Variants in XPO4 observed in about 807,000 individuals in gnomAD.
XPO4 encodes the protein exportin-4.
In XPO4, 39 loss-of-function variants were observed where a neutral mutation model predicts 143.0. The observed-to-expected ratio is 0.27, with a 90% CI of 0.21 to 0.36. The LOEUF is 0.36. Among genes scored for constraint, XPO4 ranks in the 10% least tolerant of loss-of-function variants. The pLI is 1.00. For synonymous variants in XPO4, 439 were observed against 474.0 expected (o/e 0.93, Z 0.96); for missense variants, 907 against 1,348.0 (o/e 0.67, Z 5.12).
At chr13:20,861,779 T>C (rs6650245) in intron 3 of XPO4, among the ~76,000 whole-genome samples, 210 of 15,732 alleles carry the variant, frequency 0.013, 1 homozygote, top group African/African-American at 0.041. Flanking sequence ...ATTTCTCTCT[T>C]TTTTTTTTTT....
intron 7 of XPO4, 45 bp downstream of exon 7, chr13:20,827,022 T>C (rs2059793292): frequency 9.3e-6 from 13 of 1,394,428 alleles, no homozygotes; most frequent in Non-Finnish European, 1.3e-5. Flanking sequence ...AGGCATTTCC[T>C]CTTTTCTATG....
At chr13:20,828,173 G>A (rs1363315914) in intron 6 of XPO4, among the ~76,000 whole-genome samples, 1 of 152,080 alleles carries the variant, frequency 6.6e-6, no homozygotes. Context: ...CTCTCCCGCA[G>A]AGGTTGCAGT....
chr13:20,857,837 A>G (rs1399861818), intron 3 of XPO4: 9 of 985,216 alleles, frequency 9.1e-6, no homozygotes, highest in Non-Finnish European at 9.6e-6. Context: ...CTTGACCACT[A>G]TGCTACACTT....
At chr13:20,833,559 T>C (rs1436613492) in intron 6 of XPO4, among the ~76,000 whole-genome samples, 1 of 152,230 alleles carries the variant, frequency 6.6e-6, no homozygotes, top group East Asian at 1.9e-4. Flanking sequence ...TTAATTGTTG[T>C]ATTGTTATTT....
Position 20,790,682 on chromosome 13 carries a change from T to A in XPO4, c.2798-102A>T. 4 of 871,006 alleles carry A rather than the reference T, an allele frequency of 4.6e-6. No homozygotes were observed. In the South Asian group the frequency reaches 5.8e-5, roughly 13 times the overall value. The allele number at this position is 871,006 out of a possible 1,614,324, so 54.0% of individuals were successfully genotyped here. A position where few individuals can be genotyped will look rare whatever the true frequency, so the allele number is the denominator to read the frequency against. On this transcript the variant is annotated intron_variant, in intron 18 of 22. Transcript: ENST00000255305. ...AATAAACTCACCCCTAGAGGCTAAA[T>A]AAATCAATGAGTGAATAATAAAGAA...
chr13:20,794,718 G>A (rs779348352), intron 18 of XPO4, among the ~76,000 whole-genome samples: 24 of 152,272 alleles, frequency 1.6e-4, no homozygotes, highest in Middle Eastern at 3.4e-3. Context: ...ATGACAGAGG[G>A]AGACCCTGCC....
chr13:20,850,286 G>A (rs2060070921), intron 4 of XPO4: 3 of 978,542 alleles, frequency 3.1e-6, no homozygotes, highest in African/African-American at 1.7e-5. Flanking sequence ...TTGCTGAATA[G>A]AAGTGAATAT....
At chr13:20,852,386 C>A in intron 4 of XPO4, 15 of 985,402 alleles carry the variant, frequency 1.5e-5, no homozygotes, top group Non-Finnish European at 1.6e-5. Flanking sequence ...CTTTTCTCTG[C>A]TATTTTTATC....
intron 6 of XPO4, among the ~76,000 whole-genome samples, chr13:20,836,676 A>G (rs2059920783): frequency 6.6e-6 from 1 of 152,234 alleles, no homozygotes; most frequent in Non-Finnish European, 1.5e-5. Context: ...TCATTAAGAC[A>G]TAATTCACAC....
chr13:20,812,648 A>G (rs2059596893), intron 9 of XPO4, among the ~76,000 whole-genome samples: 1 of 152,150 alleles, frequency 6.6e-6, no homozygotes, highest in Non-Finnish European at 1.5e-5. Context: ...CAGGAAGAGG[A>G]CATTGGGGGA....
chr13:20,867,656 T>C (rs1382126216), intron 2 of XPO4, among the ~76,000 whole-genome samples: 1 of 152,226 alleles, frequency 6.6e-6, no homozygotes, highest in Non-Finnish European at 1.5e-5. Flanking sequence ...TCCTTATATG[T>C]AAAGCACCTT....
At chr13:20,837,632 G>A (rs11842518) in intron 6 of XPO4, among the ~76,000 whole-genome samples, 5,409 of 152,134 alleles carry the variant, frequency 0.036, 208 homozygotes, top group African/African-American at 0.092. Flanking sequence ...ACACATACCC[G>A]AGATTGAGCA....
chr13:20,848,680 T>C (rs951698753), intron 4 of XPO4: 3 of 985,390 alleles, frequency 3.0e-6, no homozygotes, highest in East Asian at 1.1e-4. Context: ...TAAAGCAATA[T>C]AGTAAATGTT....
Position 20,822,341 on chromosome 13 carries a change from T to C in XPO4, c.841-52A>G, listed in dbSNP as rs57548824. 1.3e-3 allele frequency: 1,947 copies of C among 1,525,232 alleles called. 20 individuals are homozygous for C. In the African/African-American group the frequency reaches 0.021, roughly 16 times the overall value. 94.5% of individuals were successfully genotyped at this position (1,525,232 alleles called of 1,614,324 possible). On this transcript the variant is annotated intron_variant, in intron 7 of 22. Transcript: ENST00000255305. ...AATATAAATTCTTCCTTTGTAAGGG[T>C]CACGTGTCTACCATGCCGAATGAGG... is the stretch of plus-strand genomic sequence containing the variant.
At chr13:20,864,620 T>C (rs771864152) in intron 2 of XPO4, among the ~76,000 whole-genome samples, 1 of 152,206 alleles carries the variant, frequency 6.6e-6, no homozygotes, top group Non-Finnish European at 1.5e-5. Context: ...CCACTGAAGA[T>C]AGAGCGAATA....
chr13:20,807,643 T>TA lies in XPO4; in HGVS notation c.1640-10dup. ...ATCAGCTAAGAGGTAGCCTTCAGTT[T>TA]AAAAAAAATTAAAAATGAACACTTA... On this transcript the variant is annotated splice_polypyrimidine_tract_variant and intron_variant, in intron 12 of 22. Transcript: ENST00000255305. 14 of 1,546,728 alleles carry TA rather than the reference T, an allele frequency of 9.1e-6. No homozygotes were observed. The highest frequency in any genetic ancestry group is 4.6e-5 in the Admixed American group (2 of 43,422).
In XPO4 at chr13:20,885,287, C is replaced by T. The variant is rs1018435221; in HGVS notation, c.70-16586G>A. On this transcript the variant is annotated intron_variant, in intron 1 of 22. Coordinates refer to ENST00000255305, the MANE Select transcript of XPO4 (RefSeq NM_022459.5). ...TTTTTAAGCTAGTCTTTGTATTACTCTGGCTGGGACAGAATATACATATTA... is the reference window on the plus strand; with the variant it reads ...TTTTTAAGCTAGTCTTTGTATTACTTTGGCTGGGACAGAATATACATATTA... Among the ~76,000 whole-genome samples, 6 of 152,232 alleles carry T rather than the reference C, an allele frequency of 3.9e-5. 1 individual carries two copies. The highest frequency in any genetic ancestry group is 2.0e-4 in the Admixed American group (3 of 15,272).
chr13:20,842,793 C>A, intron 6 of XPO4, 102 bp downstream of exon 6: 1 of 1,068,822 alleles, frequency 9.4e-7, no homozygotes, highest in South Asian at 2.7e-5. Context: ...TATTTTCTTT[C>A]AATATGTTTT....
In XPO4 at chr13:20,857,134, C is replaced by T. The variant is rs116922195; in HGVS notation, c.318-1369G>A. 7.7e-4 allele frequency among the ~76,000 whole-genome samples: 117 copies of T among 152,274 alleles called. 2 individuals carry two copies. The East Asian group carries it at 0.02, about 26-fold the overall frequency. On this transcript the variant is annotated intron_variant, in intron 3 of 22. Coordinates refer to ENST00000255305, the MANE Select transcript of XPO4 (RefSeq NM_022459.5). ...TAAGCAAATAAATGCAGAGATCCTA[C>T]TATGCATAAGAATATTAGTTGGCCA...
Sources: gnomAD v4.1 joint callset for allele counts (sites outside exome capture counted in the v4.1 genomes callset) on GRCh38, gnomAD v4.1.1 for gene constraint, MANE v1.5 for transcripts, NCBI Gene and HGNC (gene_info 2026-07-23, HGNC 2026-07-21) for gene names.